TSPAN14: variants seen among roughly 807,000 people sequenced by gnomAD.
The protein encoded by TSPAN14 is tetraspanin 14, also known as tetraspanin-14.
In TSPAN14, 16 loss-of-function variants were observed where a neutral mutation model predicts 36.6. The observed-to-expected ratio is 0.44, with a 90% confidence interval of 0.30 to 0.66. The LOEUF (loss-of-function observed/expected upper bound fraction) is 0.66. Among genes scored for constraint, TSPAN14 ranks in the 30% least tolerant of loss-of-function variants. TSPAN14 has a pLI of 0.12. For synonymous variants in TSPAN14, 139 were observed against 143.8 expected (o/e 0.97, Z 0.24); for missense variants, 231 against 355.1 (o/e 0.65, Z 2.81).
intron 1 of TSPAN14, among the ~76,000 whole-genome samples, chr10:80,476,409 GTTTTT>G (rs60589813): frequency 0.017 from 1,446 of 85,066 alleles, 15 homozygotes; most frequent in African/African-American, 0.054. Flanking sequence ...TTGTTTTACT[GTTTTT>G]TTTTTTTTTT....
intron 1 of TSPAN14, among the ~76,000 whole-genome samples, chr10:80,472,215 A>G (rs1399118956): frequency 6.6e-6 from 1 of 152,228 alleles, no homozygotes; most frequent in African/African-American, 2.4e-5. Flanking sequence ...TCCTCCAAGA[A>G]GGACCACAAA....
chr10:80,458,058 C>T (rs929418967), intron 1 of TSPAN14, among the ~76,000 whole-genome samples: 17 of 152,294 alleles, frequency 1.1e-4, no homozygotes, highest in Admixed American at 3.3e-4. Flanking sequence ...TCTGCCCTGC[C>T]GTGTCAGTCC....
At chr10:80,492,591 C>T (rs373530963) in intron 2 of TSPAN14, among the ~76,000 whole-genome samples, 1 of 152,086 alleles carries the variant, frequency 6.6e-6, no homozygotes, top group Non-Finnish European at 1.5e-5. Flanking sequence ...CCGAGGCAGG[C>T]GGATCACGAG....
intron 1 of TSPAN14, among the ~76,000 whole-genome samples, chr10:80,472,427 G>C (rs1589246041): frequency 6.6e-6 from 1 of 152,176 alleles, no homozygotes; most frequent in East Asian, 1.9e-4. Context: ...ATGATCGCTT[G>C]CTTATGGTGA....
At chr10:80,473,405 T>C (rs1029361868) in intron 1 of TSPAN14, among the ~76,000 whole-genome samples, 1 of 152,206 alleles carries the variant, frequency 6.6e-6, no homozygotes, top group Non-Finnish European at 1.5e-5. Flanking sequence ...TGCCAGGCAC[T>C]GAGACCCTCA....
chr10:80,509,765 A>G lies in TSPAN14; in HGVS notation c.450+294A>G. Reference sequence around the variant, plus strand: ...TCCTCTTTCGGCCCCAGATCTTTCCAATCCTGCCCAATAGCCATACCAGCT... The same window carrying G: ...TCCTCTTTCGGCCCCAGATCTTTCCGATCCTGCCCAATAGCCATACCAGCT... On this transcript the variant is annotated intron_variant, in intron 5 of 8. Transcript: ENST00000429989. The surrounding 1 kb of genome is among the most constrained non-coding windows in gnomAD (Gnocchi z 4.7). 2.6e-6 allele frequency: 1 copy of G among 383,654 alleles called. No homozygotes were observed. The highest frequency in any genetic ancestry group is 4.8e-6 in the Non-Finnish European group (1 of 208,080). The allele number at this position is 383,654 out of a possible 1,614,324, so 23.8% of individuals were successfully genotyped here.
At chr10:80,494,561 A>C (rs1172993741) in intron 2 of TSPAN14, among the ~76,000 whole-genome samples, 3 of 152,074 alleles carry the variant, frequency 2.0e-5, no homozygotes, top group Non-Finnish European at 4.4e-5. Context: ...TCTTCCTCTG[A>C]CTTTTATTAT....
intron 8 of TSPAN14, 116 bp downstream of exon 8, chr10:80,516,439 A>C: frequency 7.0e-7 from 1 of 1,435,930 alleles, no homozygotes. Flanking sequence ...CTTGCAGAAG[A>C]AAAAAAGGGA....
rs1351339020 is a variant in TSPAN14 at position 80,482,757 on chromosome 10, C to CG, written c.-17-6458dup. On this transcript the variant is annotated intron_variant, in intron 1 of 8. Transcript: ENST00000429989. ...CTTTTTTTTTTTTTTTTTTTTGAGA[C>CG]GGAGTTTCGCTCTTGTTGCCCAGGC... is the stretch of plus-strand genomic sequence containing the variant. Among the ~76,000 whole-genome samples, 76 of 102,756 alleles carry CG rather than the reference C, an allele frequency of 7.4e-4. No individual in the cohort carries two copies. The East Asian group carries it at 0.019, about 25-fold the overall frequency. 67.4% of individuals were successfully genotyped at this position (102,756 alleles called of 152,430 possible).
At chr10:80,467,232 C>T (rs1188840975) in intron 1 of TSPAN14, among the ~76,000 whole-genome samples, 1 of 152,094 alleles carries the variant, frequency 6.6e-6, no homozygotes, top group Non-Finnish European at 1.5e-5. Context: ...CAACCTCCTC[C>T]TTGTTGTGGC....
chr10:80,456,645 T>C (rs953518893), intron 1 of TSPAN14, among the ~76,000 whole-genome samples: 82 of 152,400 alleles, frequency 5.4e-4, no homozygotes, highest in African/African-American at 1.9e-3. Context: ...GTGCCAGGCC[T>C]GGGAAACCTT....
At chr10:80,482,323 G>T (rs183433152) in intron 1 of TSPAN14, among the ~76,000 whole-genome samples, 1 of 152,308 alleles carries the variant, frequency 6.6e-6, no homozygotes, top group East Asian at 1.9e-4. Flanking sequence ...GTCTCGCTCT[G>T]TGGCTCAGGC....
In TSPAN14 at chr10:80,509,677, AT is replaced by A. The variant is rs1288358748; in HGVS notation, c.450+208del. On this transcript the variant is annotated intron_variant, in intron 5 of 8. Transcript: ENST00000429989. The surrounding 1 kb of genome is among the most constrained non-coding windows in gnomAD (Gnocchi z 4.7). The stretch of plus-strand genomic sequence containing the variant: ...TTGCCTGGTGGGCCAGCCCTTTCCC[AT>A]TGGGATTGGGCAGGCAAGTCCAGCT... The A allele has an allele frequency of 3.4e-6, 2 of 583,136 alleles. No individual in the cohort carries two copies. Among genetic ancestry groups the A allele is most frequent in the Non-Finnish European group, 5.9e-6 (2 of 337,694 alleles). The allele number at this position is 583,136 out of a possible 1,614,324, so 36.1% of individuals were successfully genotyped here.
chr10:80,511,726 C>G (rs953943590), intron 5 of TSPAN14, among the ~76,000 whole-genome samples: 5 of 99,454 alleles, frequency 5.0e-5, no homozygotes, highest in Admixed American at 4.7e-4. Flanking sequence ...CTCTCTCTCT[C>G]TCTCTCTCTC....
chr10:80,509,844 C>T lies in TSPAN14; in HGVS notation c.450+373C>T. 1 of 195,218 alleles carries T rather than the reference C, an allele frequency of 5.1e-6. No homozygotes were observed. Among genetic ancestry groups the T allele is most frequent in the Non-Finnish European group, 1.1e-5 (1 of 93,994 alleles). The allele number at this position is 195,218 out of a possible 1,614,324, so 12.1% of individuals were successfully genotyped here. A position where few individuals can be genotyped will look rare whatever the true frequency, so the allele number is the denominator to read the frequency against. On this transcript the variant is annotated intron_variant, in intron 5 of 8. Transcript: ENST00000429989. This position sits in a 1 kb window ranked among gnomAD's most constrained non-coding sequence, Gnocchi z 4.7. The stretch of plus-strand genomic sequence containing the variant: ...AAGGCACAGCTTCTTCCCCCCGGCT[C>T]ATGACTCACCATCTGACGCTATTCC...
Position 80,516,199 on chromosome 10 carries a change from T to C in TSPAN14, c.622-5T>C. The C allele has an allele frequency of 1.9e-6, 3 of 1,614,218 alleles. No individual in the cohort carries two copies. Among genetic ancestry groups the C allele is most frequent in the Non-Finnish European group, 2.5e-6 (3 of 1,180,026 alleles). On this transcript the variant is annotated splice_region_variant and splice_polypyrimidine_tract_variant and intron_variant, in intron 7 of 8. Transcript: ENST00000429989. ...GGCTCAGACCCCTGTGGTGTTTTCCTGCAGCTGAAGAGCAAGTGGGATGAG... is the reference window on the plus strand; with the variant it reads ...GGCTCAGACCCCTGTGGTGTTTTCCCGCAGCTGAAGAGCAAGTGGGATGAG...
chr10:80,455,148 A>C (rs537136220), intron 1 of TSPAN14, among the ~76,000 whole-genome samples: 33 of 152,024 alleles, frequency 2.2e-4, no homozygotes, highest in Non-Finnish European at 4.1e-4. Flanking sequence ...GGTGGGTAGG[A>C]AGTGCCTGTG....
chr10:80,500,158 C>G (rs563839509), intron 2 of TSPAN14, among the ~76,000 whole-genome samples: 1 of 152,200 alleles, frequency 6.6e-6, no homozygotes, highest in South Asian at 2.1e-4. Flanking sequence ...CTCCTGGTCT[C>G]TGAAACCAGG....
intron 1 of TSPAN14, among the ~76,000 whole-genome samples, chr10:80,467,099 T>C (rs1278316363): frequency 6.6e-6 from 1 of 152,164 alleles, no homozygotes; most frequent in East Asian, 1.9e-4. Flanking sequence ...CTCTTTATAT[T>C]TCGGTATCTT....
Sources: allele counts gnomAD v4.1 joint callset (sites outside exome capture counted in the v4.1 genomes callset), GRCh38; gene constraint gnomAD v4.1.1; non-coding constraint Gnocchi (gnomAD v3.1); transcripts MANE v1.5; gene names NCBI Gene and HGNC (gene_info 2026-07-23, HGNC 2026-07-21).